The following BEND6 variants were observed in gnomAD, a reference collection of about 807,000 sequenced individuals.
BEND6 encodes BEN domain-containing protein 6.
BEND6 carries 24 observed loss-of-function variants against 31.8 expected under a neutral mutation model. The ratio of observed to expected loss-of-function variants is 0.75; its 90% CI spans 0.55 to 1.06. The LOEUF is 1.06. BEND6 is among the 50% of genes least tolerant of loss of function. BEND6 has a pLI of 0.00. For synonymous variants in BEND6, 109 were observed against 114.6 expected, an observed-to-expected ratio of 0.95 and a Z score of 0.31; for missense variants, 294 against 327.4, an observed-to-expected ratio of 0.90 and a Z score of 0.79.
chr6:57,001,099 A>ACAT (rs548321815), intron 3 of BEND6, among the ~76,000 whole-genome samples: 279 of 152,156 alleles, frequency 1.8e-3, no homozygotes, highest in Non-Finnish European at 2.7e-3. Context: ...TACAAAATGA[A>ACAT]CATCACCAAG....
At chr6:56,988,754 C>T (rs918232204) in intron 2 of BEND6, among the ~76,000 whole-genome samples, 5 of 152,078 alleles carry the variant, frequency 3.3e-5, no homozygotes, top group South Asian at 4.1e-4. Flanking sequence ...ATAGGCTGGG[C>T]GTGGTGGCTC....
intron 6 of BEND6, among the ~76,000 whole-genome samples, chr6:57,024,630 C>T: frequency 6.6e-6 from 1 of 152,124 alleles, no homozygotes; most frequent in East Asian, 1.9e-4. Context: ...TCTGGCTCCT[C>T]TTAGAATCCT....
At chr6:56,957,655 A>C (rs1164408805) in intron 1 of BEND6, among the ~76,000 whole-genome samples, 3 of 152,208 alleles carry the variant, frequency 2.0e-5, no homozygotes, top group Non-Finnish European at 2.9e-5. Context: ...GAGGATAGGG[A>C]TGGAGGGGGA....
rs1825813651 is a variant in BEND6, at chr6:56,974,738, T to C, written c.-100-6973T>C. Among the ~76,000 whole-genome samples the C allele has an allele frequency of 2.6e-5, 4 of 152,232 alleles. No individual in the cohort carries two copies. The South Asian group carries it at 8.3e-4, about 31-fold the overall frequency. On this transcript the variant is annotated intron_variant, in intron 1 of 6. Transcript: ENST00000370746. ...TTATTTTATTTTTAATTAGAAAAAT[T>C]ATTTATTTCTGCTCCTTTCATATAT...
At chr6:57,025,596 C>A (rs1827876086) in intron 6 of BEND6, among the ~76,000 whole-genome samples, 1 of 152,176 alleles carries the variant, frequency 6.6e-6, no homozygotes, top group South Asian at 2.1e-4. Context: ...ACAGTGTAGT[C>A]CTGCTGAACA....
At chr6:56,981,383 A>T (rs190616396) in intron 1 of BEND6, among the ~76,000 whole-genome samples, 195 of 152,286 alleles carry the variant, frequency 1.3e-3, no homozygotes, top group Non-Finnish European at 2.2e-3. Flanking sequence ...CCTCTGTGAT[A>T]CTGTTTTTAT....
At chr6:56,990,191 C>A (rs144602963) in intron 2 of BEND6, among the ~76,000 whole-genome samples, 1 of 151,006 alleles carries the variant, frequency 6.6e-6, no homozygotes, top group Non-Finnish European at 1.5e-5. Flanking sequence ...AGCTGCCATG[C>A]CTTCTCTACC....
At chr6:57,017,150 A>T in intron 4 of BEND6, 57 bp from the exon 5 acceptor site, 1 of 1,327,036 alleles carries the variant, frequency 7.5e-7, no homozygotes, top group Non-Finnish European at 1.0e-6. Flanking sequence ...AATTAGTAAC[A>T]TATTTCTCCA....
intron 2 of BEND6, among the ~76,000 whole-genome samples, chr6:56,984,674 T>G (rs1199147297): frequency 1.3e-5 from 2 of 152,232 alleles, no homozygotes; most frequent in African/African-American, 2.4e-5. Context: ...GAGATTTTAT[T>G]TGATCATGGA....
intron 1 of BEND6, among the ~76,000 whole-genome samples, chr6:56,968,674 A>G (rs1270307750): frequency 3.9e-5 from 6 of 152,054 alleles, no homozygotes; most frequent in Admixed American, 3.9e-4. Context: ...AAGTTATGCC[A>G]TAACAGTTTG....
At chr6:57,010,233 A>G (rs1334724910) in intron 3 of BEND6, 2 of 152,190 alleles carry the variant, frequency 1.3e-5, no homozygotes, top group Non-Finnish European at 2.9e-5. Flanking sequence ...GCAAAATCCG[A>G]CTGTAGGAAA....
chr6:56,982,240 G>C (rs1826098201), intron 2 of BEND6, among the ~76,000 whole-genome samples: 3 of 151,968 alleles, frequency 2.0e-5, no homozygotes, highest in African/African-American at 7.2e-5. Context: ...TTTTAATGTT[G>C]AACAGTTGAG....
intron 3 of BEND6, among the ~76,000 whole-genome samples, chr6:56,996,686 G>A (rs944020352): frequency 1.3e-5 from 2 of 152,106 alleles, no homozygotes; most frequent in Non-Finnish European, 2.9e-5. Context: ...AAACTATGAT[G>A]TTATCTTCAT....
intron 2 of BEND6, among the ~76,000 whole-genome samples, chr6:56,990,090 A>G (rs1826434643): frequency 6.6e-6 from 1 of 152,042 alleles, no homozygotes; most frequent in Non-Finnish European, 1.5e-5. Flanking sequence ...TGTGTATGTA[A>G]TAAGAGATCC....
At chr6:56,990,739 C>T (rs1826465796) in intron 2 of BEND6, among the ~76,000 whole-genome samples, 1 of 152,204 alleles carries the variant, frequency 6.6e-6, no homozygotes, top group African/African-American at 2.4e-5. Flanking sequence ...ATTAGGTTAC[C>T]AAAATGTCTT....
chr6:56,965,364 A>C (rs756451638), intron 1 of BEND6, among the ~76,000 whole-genome samples: 1 of 152,144 alleles, frequency 6.6e-6, no homozygotes, highest in Non-Finnish European at 1.5e-5. Context: ...TTGATAGTAT[A>C]AAATTACAAA....
At chr6:56,969,235 G>A (rs772077338) in intron 1 of BEND6, among the ~76,000 whole-genome samples, 4 of 152,184 alleles carry the variant, frequency 2.6e-5, no homozygotes, top group Non-Finnish European at 5.9e-5. Flanking sequence ...CTGTCTGAGG[G>A]TTGGAGTGCT....
intron 3 of BEND6, among the ~76,000 whole-genome samples, chr6:56,996,070 G>A (rs776310879): frequency 1.4e-4 from 22 of 152,082 alleles, no homozygotes; most frequent in Admixed American, 5.2e-4. Context: ...TATTTTATGA[G>A]TCCCCTGGCT....
At chr6:56,970,557 C>T (rs150278495) in intron 1 of BEND6, among the ~76,000 whole-genome samples, 24 of 152,268 alleles carry the variant, frequency 1.6e-4, no homozygotes, top group East Asian at 1.2e-3. Context: ...TAATAAGATG[C>T]GTTCTTTTAG....
Sources: allele counts gnomAD v4.1 joint callset (sites outside exome capture counted in the v4.1 genomes callset), GRCh38; gene constraint gnomAD v4.1.1; transcripts MANE v1.5; gene names NCBI Gene and HGNC (gene_info 2026-07-23, HGNC 2026-07-21).